The following NPIPB12 variants were observed in gnomAD, a reference collection of about 807,000 sequenced individuals.
NPIPB12 encodes the protein nuclear pore complex-interacting protein family member B12.
chr16:29,501,202 G>A (rs1476157731), upstream of NPIPB12, among the ~76,000 whole-genome samples: 8 of 76,430 alleles, frequency 1.0e-4, 3 homozygotes, highest in Admixed American at 4.9e-4. Flanking sequence ...AAAACGGGCT[G>A]GGTGTGGTGG....
At chr16:29,498,414 G>T (rs1468591391) in intron 1 of NPIPB12, among the ~76,000 whole-genome samples, 1 of 119,074 alleles carries the variant, frequency 8.4e-6, no homozygotes, top group Non-Finnish European at 1.7e-5. Context: ...TACACTTAAG[G>T]TTATATATTT....
chr16:29,490,904 TAAAAAAAA>T (rs1156982100), intron 4 of NPIPB12, among the ~76,000 whole-genome samples: 2 of 56,696 alleles, frequency 3.5e-5, no homozygotes, highest in Non-Finnish European at 6.3e-5. Context: ...ATCTCAAAAT[TAAAAAAAA>T]AAAAAAAAAA....
At chr16:29,490,729 C>CAA (rs1200754352) in intron 4 of NPIPB12, among the ~76,000 whole-genome samples, 343 of 1,936 alleles carry the variant, frequency 0.18, 23 homozygotes, top group African/African-American at 0.2. Context: ...GACTCTGTCT[C>CAA]AAAAAAAAAA....
At chr16:29,498,299 A>AAAATAAAT (rs373111384) in intron 1 of NPIPB12, among the ~76,000 whole-genome samples, 3,160 of 138,956 alleles carry the variant, frequency 0.023, 4 homozygotes, top group East Asian at 0.066. Context: ...AAACTGTCTC[A>AAAATAAAT]AAATAAATAA....
intron 1 of NPIPB12, among the ~76,000 whole-genome samples, chr16:29,498,241 G>A (rs1362001757): frequency 1.6e-4 from 23 of 147,804 alleles, no homozygotes; most frequent in African/African-American, 3.7e-4. Context: ...CAGAGGTTGC[G>A]GTGAGCTGAT....
rs1466830356 is a variant in NPIPB12, at chr16:29,498,361, G to T, written c.75+963C>A. ...AAAATAATGTAGATCTTGAAAGGGG[G>T]TTGGTTTATGCTGGTGTATGTACTT... On this transcript the variant is annotated intron_variant, in intron 1 of 5. Coordinates refer to ENST00000617311, the Ensembl canonical transcript of NPIPB12. 2.7e-5 allele frequency among the ~76,000 whole-genome samples: 4 copies of T among 145,690 alleles called. No homozygotes were observed. In the East Asian group the frequency reaches 6.3e-4, roughly 23 times the overall value.
At chr16:29,492,485 C>CT (rs1228166510) in intron 2 of NPIPB12, among the ~76,000 whole-genome samples, 2 of 75,684 alleles carry the variant, frequency 2.6e-5, no homozygotes, top group Non-Finnish European at 4.8e-5. Flanking sequence ...AATTGAAACT[C>CT]TTGTCTCAAA....
At chr16:29,498,299 A>AAAAT (rs373111384) in intron 1 of NPIPB12, among the ~76,000 whole-genome samples, 18,253 of 133,148 alleles carry the variant, frequency 0.14, 57 homozygotes, top group Middle Eastern at 0.18. Flanking sequence ...AAACTGTCTC[A>AAAAT]AAATAAATAA....
At chr16:29,498,446 G>T (rs1205709987) in intron 1 of NPIPB12, among the ~76,000 whole-genome samples, 1 of 71,504 alleles carries the variant, frequency 1.4e-5, no homozygotes, top group Non-Finnish European at 2.5e-5. Flanking sequence ...GGTGGCTCAC[G>T]CCTGTAATCC....
At chr16:29,490,904 T>TAA (rs1156982100) in intron 4 of NPIPB12, among the ~76,000 whole-genome samples, 1,158 of 55,836 alleles carry the variant, frequency 0.021, no homozygotes, top group South Asian at 0.04. Context: ...ATCTCAAAAT[T>TAA]AAAAAAAAAA....
At chr16:29,498,413 G>A (rs1203514127) in intron 1 of NPIPB12, among the ~76,000 whole-genome samples, 83 of 120,566 alleles carry the variant, frequency 6.9e-4, no homozygotes, top group African/African-American at 2.3e-3. Flanking sequence ...TTACACTTAA[G>A]GTTATATATT....
At chr16:29,498,319 TA>T (rs1323088453) in intron 1 of NPIPB12, among the ~76,000 whole-genome samples, 2 of 145,786 alleles carry the variant, frequency 1.4e-5, no homozygotes, top group South Asian at 2.2e-4. Flanking sequence ...AATAAATAAA[TA>T]AATAAATAAA....
At chr16:29,497,059 T>A (rs1180858098) in intron 1 of NPIPB12, among the ~76,000 whole-genome samples, 2 of 53,142 alleles carry the variant, frequency 3.8e-5, no homozygotes, top group Non-Finnish European at 7.8e-5. Flanking sequence ...ATTGGATGCA[T>A]TTATTATATA....
chr16:29,485,671 ACT>A, downstream of NPIPB12: 1 of 591,924 alleles, frequency 1.7e-6, no homozygotes, highest in South Asian at 2.0e-5. Context: ...GTGAGCACAC[ACT>A]CGGGAGGTGT....
intron 4 of NPIPB12, among the ~76,000 whole-genome samples, chr16:29,490,533 C>A (rs1035192179): frequency 6.7e-6 from 1 of 148,914 alleles, no homozygotes; most frequent in African/African-American, 2.5e-5. Flanking sequence ...AGTTCTAGAC[C>A]AGCTTGGCCA....
At chr16:29,498,042 T>TATCATTCAAAAA (rs1324293142) in intron 1 of NPIPB12, among the ~76,000 whole-genome samples, 1 of 69,570 alleles carries the variant, frequency 1.4e-5, no homozygotes, top group Non-Finnish European at 3.0e-5. Context: ...GGTTCACGCC[T>TATCATTCAAAAA]GTAATCCCAA....
intron 1 of NPIPB12, among the ~76,000 whole-genome samples, chr16:29,498,299 A>AAAAAAAT (rs1555481946): frequency 3.1e-4 from 44 of 141,974 alleles, no homozygotes; most frequent in East Asian, 2.8e-3. Context: ...AAACTGTCTC[A>AAAAAAAT]AAATAAATAA....
At chr16:29,492,906 G>T in intron 2 of NPIPB12, among the ~76,000 whole-genome samples, 1 of 50,336 alleles carries the variant, frequency 2.0e-5, no homozygotes, top group Non-Finnish European at 3.6e-5. Flanking sequence ...AGGTTAACAT[G>T]TTTCACAACT....
chr16:29,501,378 G>C (rs1309728413), upstream of NPIPB12, among the ~76,000 whole-genome samples: 24 of 14,906 alleles, frequency 1.6e-3, no homozygotes, highest in Non-Finnish European at 1.7e-3. Flanking sequence ...TTGGGAGGCT[G>C]AGGCAGGAGA....
Sources: gnomAD v4.1 joint callset for allele counts (sites outside exome capture counted in the v4.1 genomes callset) on GRCh38, gnomAD v4.1.1 for gene constraint, MANE v1.5 for transcripts, NCBI Gene and HGNC (gene_info 2026-07-23, HGNC 2026-07-21) for gene names.